The following COL7A1 variants were observed in gnomAD, a reference collection of about 807,000 sequenced individuals.
COL7A1 encodes collagen type VII alpha 1 chain, also known as collagen alpha-1(VII) chain.
Under a neutral mutation model 456.2 loss-of-function variants are expected in COL7A1, and 296 were observed. That is an observed-to-expected ratio of 0.65 (90% CI 0.59 to 0.71). COL7A1 has a LOEUF of 0.71. Ranked by LOEUF, COL7A1 falls within the 30% of genes least tolerant of loss-of-function variation. The pLI is 0.00. For missense variants in COL7A1, 3,441 were observed against 4,017.2 expected (o/e 0.86, Z 3.88); for synonymous variants, 1,464 against 1,525.9 (o/e 0.96, Z 0.95).
In COL7A1 at chr3:48,564,672, G is replaced by T; in HGVS notation, c.8818+111C>A. On this transcript the variant is annotated intron_variant, in intron 118 of 118. Coordinates refer to ENST00000681320, the MANE Select transcript of COL7A1 (RefSeq NM_000094.4). The surrounding 1 kb of genome is among the most constrained non-coding windows in gnomAD (Gnocchi z 6.0). The stretch of plus-strand genomic sequence containing the variant: ...GCCCCAGGTCCCCTACTGCGAGGGA[G>T]CGTCTCCTCCAGGACCCTGACCTGG... 1.6e-6 allele frequency: 2 copies of T among 1,274,706 alleles called. No homozygotes were observed. Among genetic ancestry groups the T allele is most frequent in the Non-Finnish European group, 2.2e-6 (2 of 920,260 alleles). The allele number at this position is 1,274,706 out of a possible 1,614,324, so 79.0% of individuals were successfully genotyped here.
rs1297921306 is a variant in COL7A1, at chr3:48,590,318, CAGT to C, written c.1942_1944del (p.Thr648del). The C allele has an allele frequency of 6.2e-7, 1 of 1,613,968 alleles. No homozygotes were observed. Among genetic ancestry groups the C allele is most frequent in the Admixed American group, 1.7e-5 (1 of 60,000 alleles). ...GGCTGCAGCCCTGTGATGTCTGTGGCAGTAGAGTCTGGGGGCAGTGTCTGGCTG... is the reference window on the plus strand; with the variant it reads ...GGCTGCAGCCCTGTGATGTCTGTGGCAGAGTCTGGGGGCAGTGTCTGGCTG... On this transcript the variant is annotated inframe_deletion, in exon 16 of 119. Coordinates refer to ENST00000681320, the MANE Select transcript of COL7A1 (RefSeq NM_000094.4). This position sits in a 1 kb window ranked among gnomAD's most constrained non-coding sequence, Gnocchi z 4.6.
Position 48,593,896 on chromosome 3 carries a change from G to A in COL7A1, c.267-200C>T, listed in dbSNP as rs1467987330. Among the ~76,000 whole-genome samples the A allele has an allele frequency of 6.6e-6, 1 of 152,204 alleles. No homozygotes were observed. The highest frequency in any genetic ancestry group is 2.4e-5 in the African/African-American group (1 of 41,458). ...GGGGCTCCTTTGTGCACCATCTGCA[G>A]GTGGGCCTGGGCAGACCTGAAGGAG... is the stretch of plus-strand genomic sequence containing the variant. On this transcript the variant is annotated intron_variant, in intron 3 of 118. Transcript: ENST00000681320. This position sits in a 1 kb window ranked among gnomAD's most constrained non-coding sequence, Gnocchi z 4.4.
At chr3:48,576,019 A>G in intron 71 of COL7A1, 117 bp from the exon 72 acceptor site, 1 of 1,530,970 alleles carries the variant, frequency 6.5e-7, no homozygotes, top group Non-Finnish European at 9.0e-7. Context: ...TGCCCAGAGC[A>G]CCCTTTAGCA....
In COL7A1 at chr3:48,585,187, AC is replaced by A; in HGVS notation, c.3895-72del. On this transcript the variant is annotated intron_variant, in intron 32 of 118. Coordinates refer to ENST00000681320, the MANE Select transcript of COL7A1 (RefSeq NM_000094.4). This position sits in a 1 kb window ranked among gnomAD's most constrained non-coding sequence, Gnocchi z 4.5. Reference sequence around the variant, plus strand: ...GCCCCTGGTTTGCTGGAGGGGCCTCACCCCATCAACAAGGGGTCGCCTACCC... The same window carrying A: ...GCCCCTGGTTTGCTGGAGGGGCCTCACCCATCAACAAGGGGTCGCCTACCC... The A allele has an allele frequency of 1.3e-6, 2 of 1,487,312 alleles. No individual in the cohort carries two copies. Among genetic ancestry groups the A allele is most frequent in the Non-Finnish European group, 1.8e-6 (2 of 1,081,558 alleles). The allele number at this position is 1,487,312 out of a possible 1,614,324, so 92.1% of individuals were successfully genotyped here. A position where few individuals can be genotyped will look rare whatever the true frequency, so the allele number is the denominator to read the frequency against.
At position 48,564,851 on chromosome 3, in the gene COL7A1, T is replaced by C; in HGVS notation, c.8750A>G (p.Asn2917Ser). The change falls in exon 118 of 119, where the codon AAC becomes AGC. Residue 2917 changes from asparagine (N) to serine (S), a missense_variant. Around this residue, in one of 3 missense-constraint regions of COL7A1, gnomAD observed 2,084 missense variants for 2,501.3 expected, o/e 0.83. Transcript: ENST00000681320. This position sits in a 1 kb window ranked among gnomAD's most constrained non-coding sequence, Gnocchi z 6.0. ...FVYGGCGGNA[N>S]RFGTREACER... ...GCAGGCCTCACGGGTCCCAAAACGGTTGGCATTCCCTCCACAGCCACCATA... is the reference window on the plus strand; with the variant it reads ...GCAGGCCTCACGGGTCCCAAAACGGCTGGCATTCCCTCCACAGCCACCATA... The C allele has an allele frequency of 6.2e-7, 1 of 1,613,950 alleles. No homozygotes were observed. The highest frequency in any genetic ancestry group is 8.5e-7 in the Non-Finnish European group (1 of 1,179,962).
At chr3:48,576,001 AG>A (rs2044274298) in intron 71 of COL7A1, 99 bp from the exon 72 acceptor site, 2 of 1,588,746 alleles carry the variant, frequency 1.3e-6, no homozygotes, top group Non-Finnish European at 1.7e-6. Context: ...CCTTTTCCCT[AG>A]GCCTCTTGCC....
At position 48,593,692 on chromosome 3, in the gene COL7A1, C is replaced by G. The variant is rs768148366; in HGVS notation, c.271G>C (p.Glu91Gln). The G allele has an allele frequency of 6.2e-7, 1 of 1,614,216 alleles. No individual in the cohort carries two copies. Residue 91 changes from glutamate to glutamine, a missense_variant, in exon 4 of 119, where the codon GAG becomes CAG. Glu to Gln is a conservative substitution (Grantham distance 29). Transcript: ENST00000681320. This position sits in a 1 kb window ranked among gnomAD's most constrained non-coding sequence, Gnocchi z 4.4. Reference protein sequence around the residue: ...TVQYSDDPRTEFGLDALGSGG... With the variant: ...TVQYSDDPRTQFGLDALGSGG... The stretch of plus-strand genomic sequence containing the variant: ...GAGCCAAGTGCATCCAGGCCGAACT[C>G]TGTCCTGTTGGAGGGTAGGGGTGGC...
Position 48,571,017 on chromosome 3 carries a change from C to G in COL7A1, c.7165-49G>C. 3 of 1,612,086 alleles carry G rather than the reference C, an allele frequency of 1.9e-6. No individual in the cohort carries two copies. Among genetic ancestry groups the G allele is most frequent in the Non-Finnish European group, 2.5e-6 (3 of 1,178,508 alleles). ...GGGAATGGTCAATGCAGGACCCCTC[C>G]CAGGACTCTCATCAGAACTCCCTCT... On this transcript the variant is annotated intron_variant, in intron 94 of 118. Transcript: ENST00000681320. The surrounding 1 kb of genome is among the most constrained non-coding windows in gnomAD (Gnocchi z 4.6).
rs752390924 is a variant in COL7A1, at chr3:48,592,404, C to A, written c.1040G>T (p.Trp347Leu). Residue 347 changes from tryptophan (W) to leucine (L), a missense_variant, in exon 9 of 119, where the codon TGG becomes TTG. By Grantham distance (61) the Trp-to-Leu change is moderately conservative. Coordinates refer to ENST00000681320, the MANE Select transcript of COL7A1 (RefSeq NM_000094.4). The surrounding 1 kb of genome is among the most constrained non-coding windows in gnomAD (Gnocchi z 7.6). The part of the protein sequence containing the change: ...NTTAHSLLVA[W>L]RSVPGATGYR... ...GCCAGTGGCACCTGGCACACTCCGC[C>A]AGGCCACCAGGAGGCTGTGGGCTGT... 1.9e-6 allele frequency: 3 copies of A among 1,613,694 alleles called. No individual in the cohort carries two copies. The Admixed American group carries it at 5.0e-5, about 27-fold the overall frequency.
intron 16 of COL7A1, 147 bp from the exon 17 acceptor site, chr3:48,589,865 G>C: frequency 8.6e-7 from 1 of 1,160,112 alleles, no homozygotes; most frequent in Non-Finnish European, 1.3e-6. Flanking sequence ...TGGGGAGGTG[G>C]AGGTTTTAGG....
At position 48,588,180 on chromosome 3, in the gene COL7A1, G is replaced by C. The variant is rs991067760; in HGVS notation, c.2710+102C>G. 13 of 1,574,868 alleles carry C rather than the reference G, an allele frequency of 8.3e-6. No individual in the cohort carries two copies. Among genetic ancestry groups the C allele is most frequent in the South Asian group, 1.1e-5 (1 of 88,542 alleles). ...CTGTCACGGATCCCGCAGACCCCCAGTGACAGACCCCGCCCACCATCACTG... is the reference window on the plus strand; with the variant it reads ...CTGTCACGGATCCCGCAGACCCCCACTGACAGACCCCGCCCACCATCACTG... On this transcript the variant is annotated intron_variant, in intron 21 of 118. Coordinates refer to ENST00000681320, the MANE Select transcript of COL7A1 (RefSeq NM_000094.4). The surrounding 1 kb of genome is among the most constrained non-coding windows in gnomAD (Gnocchi z 4.6).
chr3:48,578,949 A>G lies in COL7A1; in HGVS notation c.5394T>C (p.Ala1798=). Residue 1798 remains alanine, a synonymous_variant, in exon 63 of 119, where the codon GCT becomes GCC. Coordinates refer to ENST00000681320, the MANE Select transcript of COL7A1 (RefSeq NM_000094.4). This position sits in a 1 kb window ranked among gnomAD's most constrained non-coding sequence, Gnocchi z 4.7. The part of the protein sequence containing the change: ...GAAGPSGPNG[A]AGKAGDPGRD... ...TCCCTGGGTCCCCAGCTTTGCCTGC[A>G]GCACCCTGAGGAGAGACTCAAAGTC... is the stretch of plus-strand genomic sequence containing the variant. 6.2e-7 allele frequency: 1 copy of G among 1,613,988 alleles called. No individual in the cohort carries two copies. The highest frequency in any genetic ancestry group is 8.5e-7 in the Non-Finnish European group (1 of 1,179,976).
At position 48,583,423 on chromosome 3, in the gene COL7A1, T is replaced by A; in HGVS notation, c.4407A>T (p.Pro1469=). Residue 1469 remains proline (P), a synonymous_variant, in exon 42 of 119, where the codon CCA becomes CCT. Coordinates refer to ENST00000681320, the MANE Select transcript of COL7A1 (RefSeq NM_000094.4). This position sits in a 1 kb window ranked among gnomAD's most constrained non-coding sequence, Gnocchi z 5.1. ...GQPGSPGEQG[P]RGPPGAIGPK... ...GGCCAATAGCTCCAGGAGGTCCCCG[T>A]GGGCCCTGGAAGGGATGAATTTGGG... The A allele has an allele frequency of 6.2e-7, 1 of 1,614,066 alleles. No individual in the cohort carries two copies. The highest frequency in any genetic ancestry group is 2.2e-5 in the East Asian group (1 of 44,878).
At position 48,588,905 on chromosome 3, in the gene COL7A1, G is replaced by A. The variant is rs1173682004; in HGVS notation, c.2405C>T (p.Ala802Val). Residue 802 changes from alanine to valine, a missense_variant, in exon 19 of 119, where the codon GCC (alanine) becomes GTC (valine). Around this residue, in one of 3 missense-constraint regions of COL7A1, gnomAD observed 913 missense variants for 1,088.2 expected, o/e 0.84. Transcript: ENST00000681320. The surrounding 1 kb of genome is among the most constrained non-coding windows in gnomAD (Gnocchi z 4.6). ...GCCCCAGGCCAGTCTGTAAGCTGTG[G>A]CTCCAGTGACCCCTACCCAGGTGAT... ...LRITWVGVTG[A>V]TAYRLAWGRS... The A allele has an allele frequency of 6.2e-7, 1 of 1,613,716 alleles. No individual in the cohort carries two copies. The highest frequency in any genetic ancestry group is 8.5e-7 in the Non-Finnish European group (1 of 1,180,042).
In COL7A1 at chr3:48,565,190, G is replaced by A. The variant is rs140041143; in HGVS notation, c.8539C>T (p.Pro2847Ser). ...TATTCAGAGTACTCATCATCCTCAG[G>A]GGGTACCCGCTCTGCAGGTAGGGCA... ...SHAEEEERVP[P>S]EDDEYSEYSE... The change falls in exon 117 of 119, where the codon CCT becomes TCT. Residue 2847 changes from proline (P) to serine (S), a missense_variant. Around this residue, in one of 3 missense-constraint regions of COL7A1, gnomAD observed 2,084 missense variants for 2,501.3 expected, o/e 0.83. Transcript: ENST00000681320. The surrounding 1 kb of genome is among the most constrained non-coding windows in gnomAD (Gnocchi z 4.5). 205 of 1,613,734 alleles carry A rather than the reference G, an allele frequency of 1.3e-4. 2 individuals carry two copies. The African/African-American group carries it at 1.7e-3, about 13-fold the overall frequency.
chr3:48,572,523 G>A lies in COL7A1; in HGVS notation c.6916C>T (p.Pro2306Ser). 1 of 1,613,850 alleles carries A rather than the reference G, an allele frequency of 6.2e-7. No homozygotes were observed. Among genetic ancestry groups the A allele is most frequent in the Non-Finnish European group, 8.5e-7 (1 of 1,179,930 alleles). ...GAPGQAVVGL[P>S]GAKGEKGAPG... Reference sequence around the variant, plus strand: ...CTCACCTTCTCTCCCTTTGCTCCAGGGAGCCCGACCACAGCCTGTGGGGAA... The same window carrying A: ...CTCACCTTCTCTCCCTTTGCTCCAGAGAGCCCGACCACAGCCTGTGGGGAA... Residue 2306 changes from proline (P) to serine (S), a missense_variant, in exon 89 of 119, where the codon CCT becomes TCT. Pro to Ser is a moderately conservative substitution (Grantham distance 74). Around this residue, in one of 3 missense-constraint regions of COL7A1, gnomAD observed 2,084 missense variants for 2,501.3 expected, o/e 0.83. Transcript: ENST00000681320. The surrounding 1 kb of genome is among the most constrained non-coding windows in gnomAD (Gnocchi z 4.6).
chr3:48,589,131 AGGTCAGTGCCTTGGG>A (rs2045509458), intron 18 of COL7A1, 136 bp from the exon 19 acceptor site: 2 of 1,513,946 alleles, frequency 1.3e-6, no homozygotes, highest in South Asian at 2.3e-5. Context: ...GAGGAGGAGG[AGGTCAGTGCCTTGGG>A]GTGGGCAGTG....
In COL7A1 at chr3:48,569,654, G is replaced by A. The variant is rs113340899; in HGVS notation, c.7558-6C>T. ...AGGATCACAGCTGAGTCTCCCTGAGGGGGCAGGCAGGAATCAGAGGAGTCG... is the reference window on the plus strand; with the variant it reads ...AGGATCACAGCTGAGTCTCCCTGAGAGGGCAGGCAGGAATCAGAGGAGTCG... On this transcript the variant is annotated splice_region_variant and splice_polypyrimidine_tract_variant and intron_variant, in intron 101 of 118. Transcript: ENST00000681320. This position sits in a 1 kb window ranked among gnomAD's most constrained non-coding sequence, Gnocchi z 4.9. 5.0e-6 allele frequency: 8 copies of A among 1,613,938 alleles called. No homozygotes were observed. In the South Asian group the frequency reaches 6.6e-5, roughly 13 times the overall value.
chr3:48,585,882 G>T lies in COL7A1; in HGVS notation c.3760-26C>A. 6.2e-7 allele frequency: 1 copy of T among 1,614,110 alleles called. No individual in the cohort carries two copies. The highest frequency in any genetic ancestry group is 8.5e-7 in the Non-Finnish European group (1 of 1,180,026). ...CTGGGGAAAGACATGTCAGATGTGGGTCAGAGTGGCTAGCCCCAGGTGCAG... is the reference window on the plus strand; with the variant it reads ...CTGGGGAAAGACATGTCAGATGTGGTTCAGAGTGGCTAGCCCCAGGTGCAG... On this transcript the variant is annotated intron_variant, in intron 29 of 118. Transcript: ENST00000681320. This position sits in a 1 kb window ranked among gnomAD's most constrained non-coding sequence, Gnocchi z 4.5.
Sources: allele counts gnomAD v4.1 joint callset (sites outside exome capture counted in the v4.1 genomes callset), GRCh38; gene constraint gnomAD v4.1.1; regional missense constraint gnomAD v4.1.1; non-coding constraint Gnocchi (gnomAD v3.1); transcripts MANE v1.5; gene names NCBI Gene and HGNC (gene_info 2026-07-23, HGNC 2026-07-21).